R3HDM4: variants seen among roughly 807,000 people sequenced by gnomAD.
The protein encoded by R3HDM4 is R3H domain-containing protein 4.
In R3HDM4, 30 loss-of-function variants were observed where a neutral mutation model predicts 31.3. The ratio of observed to expected loss-of-function variants is 0.96; its 90% CI spans 0.72 to 1.30. The LOEUF is 1.30. R3HDM4 is among the 50% of genes most tolerant of loss of function. The pLI, the probability that R3HDM4 is intolerant of heterozygous loss-of-function variation, is 0.00. For synonymous variants in R3HDM4, 196 were observed against 156.6 expected, an observed-to-expected ratio of 1.25 and a Z score of -1.88; for missense variants, 444 against 366.1, an observed-to-expected ratio of 1.21 and a Z score of -1.74.
At chr19:909,657 G>A (rs147520930) in intron 1 of R3HDM4, among the ~76,000 whole-genome samples, 5,002 of 151,976 alleles carry the variant, frequency 0.033, 271 homozygotes, top group African/African-American at 0.11. Flanking sequence ...TTAGCCAGGC[G>A]TGGTGGCACA....
Position 913,066 on chromosome 19 carries a change from G to A in R3HDM4, c.71+21C>T, listed in dbSNP as rs1599366482. 3.2e-6 allele frequency: 3 copies of A among 939,842 alleles called. No individual in the cohort carries two copies. Among genetic ancestry groups the A allele is most frequent in the African/African-American group, 3.5e-5 (2 of 57,196 alleles). The allele number at this position is 939,842 out of a possible 1,614,324, so 58.2% of individuals were successfully genotyped here. ...CCAGCCCGCCCCCGGCGCCCGCCGC[G>A]CCCCGCCCGCCCGCGCTCACAGCAG... is the stretch of plus-strand genomic sequence containing the variant. On this transcript the variant is annotated intron_variant, in intron 1 of 7. Transcript: ENST00000361574. The surrounding 1 kb of genome is among the most constrained non-coding windows in gnomAD (Gnocchi z 5.0).
rs1276293536 is a variant in R3HDM4 at position 899,003 on chromosome 19, C to T, written c.703+437G>A. Among the ~76,000 whole-genome samples, 1 of 152,110 alleles carries T rather than the reference C, an allele frequency of 6.6e-6. No homozygotes were observed. The highest frequency in any genetic ancestry group is 2.4e-5 in the African/African-American group (1 of 41,416). Reference sequence around the variant, plus strand: ...GGGGGTGAGTTCTGAGACTGCGCCCCGTTGGAAAAGTGGAGCGCAGGGGCC... The same window carrying T: ...GGGGGTGAGTTCTGAGACTGCGCCCTGTTGGAAAAGTGGAGCGCAGGGGCC... On this transcript the variant is annotated intron_variant, in intron 7 of 7. Coordinates refer to ENST00000361574, the MANE Select transcript of R3HDM4 (RefSeq NM_138774.4). This position sits in a 1 kb window ranked among gnomAD's most constrained non-coding sequence, Gnocchi z 6.8.
chr19:901,609 G>A (rs1042668337), intron 2 of R3HDM4, 63 bp from the exon 3 acceptor site: 2 of 1,565,442 alleles, frequency 1.3e-6, no homozygotes, highest in African/African-American at 2.7e-5. Context: ...GCACCATGGG[G>A]ACCCAAGAAC....
intron 1 of R3HDM4, among the ~76,000 whole-genome samples, chr19:912,668 C>T: frequency 1.1e-5 from 1 of 90,032 alleles, no homozygotes; most frequent in East Asian, 3.2e-4. Flanking sequence ...AGTTGGGGGG[C>T]GGACCCGGAG....
rs918242154 is a variant in R3HDM4 at position 902,186 on chromosome 19, A to G, written c.72-56T>C. ...GTCAAGGCCGGCCAGGATCTCCGAG[A>G]AGGGCCCTACCACAGCCATGGCCCG... On this transcript the variant is annotated intron_variant, in intron 1 of 7. Coordinates refer to ENST00000361574, the MANE Select transcript of R3HDM4 (RefSeq NM_138774.4). 5.6e-6 allele frequency: 9 copies of G among 1,594,834 alleles called. No individual in the cohort carries two copies. In the African/African-American group the frequency reaches 1.2e-4, roughly 21 times the overall value.
At chr19:912,573 A>G in intron 1 of R3HDM4, among the ~76,000 whole-genome samples, 1 of 35,618 alleles carries the variant, frequency 2.8e-5, no homozygotes, top group Non-Finnish European at 5.0e-5. Context: ...GGATCAGGGC[A>G]GTGGGGGGGC....
intron 1 of R3HDM4, among the ~76,000 whole-genome samples, chr19:911,988 C>T (rs2036976833): frequency 6.7e-6 from 1 of 149,422 alleles, no homozygotes; most frequent in East Asian, 2.0e-4. Flanking sequence ...GGGTGAACCC[C>T]GACCCGCGGA....
chr19:900,214 A>G, intron 4 of R3HDM4, 68 bp from the exon 5 acceptor site: 1 of 1,320,026 alleles, frequency 7.6e-7, no homozygotes, highest in Admixed American at 2.4e-5. Flanking sequence ...CTGCCAGACC[A>G]CGCCCACCCA....
chr19:902,023 A>T lies in R3HDM4; in HGVS notation c.179T>A (p.Leu60His). 6.2e-7 allele frequency: 1 copy of T among 1,613,864 alleles called. No individual in the cohort carries two copies. Among genetic ancestry groups the T allele is most frequent in the South Asian group, 1.1e-5 (1 of 91,090 alleles). Residue 60 changes from leucine (L) to histidine (H), a missense_variant, in exon 2 of 8, where the codon CTC becomes CAC. Physicochemically the swap from Leu to His is moderately conservative, Grantham distance 99. Transcript: ENST00000361574. ...CTTCCGCCCCTTGGCCTTGGGCACG[A>T]GGTCTGAGTTCCGCACTGCCTGGTT... ...FINQAVRNSDLVPKAKGRKSL... is the reference protein window; with the variant it reads ...FINQAVRNSDHVPKAKGRKSL...
Position 900,948 on chromosome 19 carries a change from C to T in R3HDM4, c.356G>A (p.Trp119Ter). ...CCCGGAGCGGTTCATGAAATCGTTC[C>T]AGACCTGGAAGAGAGGCAGGGAGGC... ...ACNNATYVEV[W>*]NDFMNRSGEE... The change falls in exon 4 of 8, where the codon TGG becomes TAG. Residue 119 changes from tryptophan (W) to a stop codon, truncating the protein, a stop_gained. Coordinates refer to ENST00000361574, the MANE Select transcript of R3HDM4 (RefSeq NM_138774.4). LOFTEE classifies it high-confidence loss of function. 4.4e-6 allele frequency: 7 copies of T among 1,596,716 alleles called. No homozygotes were observed. The highest frequency in any genetic ancestry group is 6.0e-6 in the Non-Finnish European group (7 of 1,171,714).
rs144635014 is a variant in R3HDM4 at position 901,506 on chromosome 19, C to T, written c.267G>A (p.Leu89=). 9.3e-5 allele frequency: 149 copies of T among 1,608,730 alleles called. 1 individual carries two copies. In the African/African-American group the frequency reaches 1.5e-3, roughly 16 times the overall value. Residue 89 remains leucine (L), a synonymous_variant, in exon 3 of 8, where the codon CTG becomes CTA. Transcript: ENST00000361574. ...CCAAGTCCCCATCCTCCAGGCCAGG[C>T]AGGCCCCCGTCTGTCTCCAGCAGGG... ...LLTLLETDGG[L]PGLEDGDLAP... is the part of the protein sequence containing the mutation.
At chr19:904,780 AAG>A (rs1314207325) in intron 1 of R3HDM4, among the ~76,000 whole-genome samples, 1 of 152,058 alleles carries the variant, frequency 6.6e-6, no homozygotes, top group Non-Finnish European at 1.5e-5. Flanking sequence ...TGTCTTAAAA[AAG>A]AAAAAAAAAA....
rs928931551 is a variant in R3HDM4, at chr19:899,165, C to G, written c.703+275G>C. 6.6e-6 allele frequency among the ~76,000 whole-genome samples: 1 copy of G among 152,126 alleles called. No homozygotes were observed. Among genetic ancestry groups the G allele is most frequent in the Non-Finnish European group, 1.5e-5 (1 of 67,996 alleles). ...CCTCAAATCCAGGCTTCATCACCCC[C>G]ACCCCGGGCCCCGAAGATGCAGATG... On this transcript the variant is annotated intron_variant, in intron 7 of 7. Coordinates refer to ENST00000361574, the MANE Select transcript of R3HDM4 (RefSeq NM_138774.4). The surrounding 1 kb of genome is among the most constrained non-coding windows in gnomAD (Gnocchi z 6.8).
rs187498750 is a variant in R3HDM4 at position 902,904 on chromosome 19, C to T, written c.72-774G>A. 2.0e-3 allele frequency among the ~76,000 whole-genome samples: 306 copies of T among 151,410 alleles called. 2 individuals are homozygous for T. The highest frequency in any genetic ancestry group is 7.0e-3 in the African/African-American group (288 of 41,222). On this transcript the variant is annotated intron_variant, in intron 1 of 7. Transcript: ENST00000361574. ...CTCCAGTGAGCTGAGATTGTGCCACCGCACTCCAGCCTGGGCGACGGAGTG... is the reference window on the plus strand; with the variant it reads ...CTCCAGTGAGCTGAGATTGTGCCACTGCACTCCAGCCTGGGCGACGGAGTG...
At chr19:901,228 G>A in intron 3 of R3HDM4, 194 bp downstream of exon 3, 1 of 686,330 alleles carries the variant, frequency 1.5e-6, no homozygotes, top group Non-Finnish European at 2.4e-6. Flanking sequence ...GTGAATCCAG[G>A]AGCTCGAAGG....
At chr19:901,607 G>A (rs2036838568) in intron 2 of R3HDM4, 61 bp from the exon 3 acceptor site, 10 of 1,568,638 alleles carry the variant, frequency 6.4e-6, no homozygotes, top group South Asian at 3.4e-5. Context: ...AGGCACCATG[G>A]GGACCCAAGA....
At position 899,004 on chromosome 19, in the gene R3HDM4, G is replaced by A. The variant is rs138370077; in HGVS notation, c.703+436C>T. Among the ~76,000 whole-genome samples the A allele has an allele frequency of 4.4e-3, 664 of 152,302 alleles. 1 individual carries two copies. The highest frequency in any genetic ancestry group is 6.8e-3 in the Middle Eastern group (2 of 294). On this transcript the variant is annotated intron_variant, in intron 7 of 7. Transcript: ENST00000361574. This position sits in a 1 kb window ranked among gnomAD's most constrained non-coding sequence, Gnocchi z 6.8. ...GGGGTGAGTTCTGAGACTGCGCCCC[G>A]TTGGAAAAGTGGAGCGCAGGGGCCA...
chr19:910,963 A>G (rs2036964186), intron 1 of R3HDM4, among the ~76,000 whole-genome samples: 1 of 151,254 alleles, frequency 6.6e-6, no homozygotes, highest in South Asian at 2.1e-4. Flanking sequence ...TACTAAAAAT[A>G]CAAAAAAATT....
At chr19:901,045 G>A (rs2036829618) in intron 3 of R3HDM4, 93 bp from the exon 4 acceptor site, 2 of 1,430,348 alleles carry the variant, frequency 1.4e-6, no homozygotes, top group South Asian at 1.4e-5. Flanking sequence ...CGCCAAGCAC[G>A]TGGACGCGCT....
Sources: gnomAD v4.1 joint callset for allele counts (sites outside exome capture counted in the v4.1 genomes callset) on GRCh38, gnomAD v4.1.1 for gene constraint, Gnocchi (gnomAD v3.1) non-coding constraint, MANE v1.5 for transcripts, NCBI Gene and HGNC (gene_info 2026-07-23, HGNC 2026-07-21) for gene names.